The following CMSS1 variants were observed in gnomAD, a reference collection of about 807,000 sequenced individuals.
CMSS1 encodes the protein protein CMSS1.
In CMSS1, 33 loss-of-function variants were observed where a neutral mutation model predicts 43.5. The ratio of observed to expected loss-of-function variants is 0.76; its 90% confidence interval spans 0.57 to 1.01. The LOEUF is 1.01. Among genes scored for constraint, CMSS1 ranks in the 50% least tolerant of loss-of-function variants. CMSS1 has a pLI of 0.00. For synonymous variants in CMSS1, 115 were observed against 117.2 expected, an observed-to-expected ratio of 0.98 and a Z score of 0.12; for missense variants, 313 against 326.4, an observed-to-expected ratio of 0.96 and a Z score of 0.32.
rs556500658 is a variant in CMSS1 at position 100,029,963 on chromosome 3, T to A, written c.65-117010T>A. Among the ~76,000 whole-genome samples, 6 of 152,266 alleles carry A rather than the reference T, an allele frequency of 3.9e-5. No individual in the cohort carries two copies. The South Asian group carries it at 1.2e-3, about 32-fold the overall frequency. Reference sequence around the variant, plus strand: ...CCAGGTGTGACATGAGTGAGGACTCTAAGAAGAAAAACTTCACAGCTGTTT... The same window carrying A: ...CCAGGTGTGACATGAGTGAGGACTCAAAGAAGAAAAACTTCACAGCTGTTT... On this transcript the variant is annotated intron_variant, in intron 1 of 9. Coordinates refer to ENST00000421999, the MANE Select transcript of CMSS1 (RefSeq NM_032359.4).
At chr3:99,915,802 A>G (rs917105442) in intron 1 of CMSS1, among the ~76,000 whole-genome samples, 1 of 152,176 alleles carries the variant, frequency 6.6e-6, no homozygotes, top group South Asian at 2.1e-4. Context: ...TTAGCCTGCA[A>G]CTTTGCATTG....
intron 1 of CMSS1, among the ~76,000 whole-genome samples, chr3:99,856,905 C>T (rs1226163556): frequency 6.6e-6 from 1 of 152,032 alleles, no homozygotes; most frequent in African/African-American, 2.4e-5. Flanking sequence ...GCTATAATAC[C>T]AGTCATACCC....
chr3:99,833,087 G>A, intron 1 of CMSS1: 1 of 694,324 alleles, frequency 1.4e-6, no homozygotes, highest in Non-Finnish European at 2.5e-6. Flanking sequence ...AGGCTCCTGG[G>A]TTTCATCAAA....
intron 1 of CMSS1, among the ~76,000 whole-genome samples, chr3:100,116,579 T>C (rs986257227): frequency 2.6e-5 from 4 of 152,194 alleles, no homozygotes; most frequent in African/African-American, 9.7e-5. Flanking sequence ...CGTGAGCTCA[T>C]TGCTTCCAGG....
In CMSS1 at chr3:100,112,373, G is replaced by A. The variant is rs993510058; in HGVS notation, c.65-34600G>A. On this transcript the variant is annotated intron_variant, in intron 1 of 9. Coordinates refer to ENST00000421999, the MANE Select transcript of CMSS1 (RefSeq NM_032359.4). The stretch of plus-strand genomic sequence containing the variant: ...GCATCCTTGGACCTGCCTGACTCTC[G>A]GCAAGTTGCAATGGCAGTCTCCTAC... 3.3e-5 allele frequency among the ~76,000 whole-genome samples: 5 copies of A among 152,094 alleles called. No homozygotes were observed. The South Asian group carries it at 6.2e-4, about 19-fold the overall frequency.
At chr3:100,005,373 C>T (rs1709958992) in intron 1 of CMSS1, among the ~76,000 whole-genome samples, 1 of 152,188 alleles carries the variant, frequency 6.6e-6, no homozygotes, top group African/African-American at 2.4e-5. Context: ...GATGGGATCT[C>T]AGAGTGGGGT....
At chr3:99,927,216 T>C (rs554921098) in intron 1 of CMSS1, among the ~76,000 whole-genome samples, 1 of 152,356 alleles carries the variant, frequency 6.6e-6, no homozygotes, top group Admixed American at 6.5e-5. Flanking sequence ...TCAATACATA[T>C]TAACTAACTA....
In CMSS1 at chr3:100,012,779, T is replaced by G. The variant is rs867969004; in HGVS notation, c.65-134194T>G. Among the ~76,000 whole-genome samples, 1,253 of 134,846 alleles carry G rather than the reference T, an allele frequency of 9.3e-3. 19 individuals are homozygous for G. Among genetic ancestry groups the G allele is most frequent in the African/African-American group, 0.03 (1,111 of 36,770 alleles). 88.5% of individuals were successfully genotyped at this position (134,846 alleles called of 152,430 possible). ...GCATATTCTTTTTTTTTTTTTTTTT[T>G]GGGTTGGGGGAGGGACAGGTTTTCT... is the stretch of plus-strand genomic sequence containing the variant. On this transcript the variant is annotated intron_variant, in intron 1 of 9. Transcript: ENST00000421999.
chr3:99,945,355 C>G (rs1002217920), intron 1 of CMSS1, among the ~76,000 whole-genome samples: 22 of 152,122 alleles, frequency 1.4e-4, no homozygotes, highest in African/African-American at 5.3e-4. Flanking sequence ...ATCTGGACCT[C>G]AGACTCTCTG....
At chr3:100,130,751 T>G (rs978867737) in intron 1 of CMSS1, among the ~76,000 whole-genome samples, 1 of 152,190 alleles carries the variant, frequency 6.6e-6, no homozygotes, top group Non-Finnish European at 1.5e-5. Flanking sequence ...TGATAGAGAT[T>G]ATATGGCCCA....
At chr3:100,175,261 A>G (rs181544800) in intron 8 of CMSS1, among the ~76,000 whole-genome samples, 21 of 152,280 alleles carry the variant, frequency 1.4e-4, no homozygotes, top group East Asian at 5.8e-4. Flanking sequence ...AAGGAAATTT[A>G]TTTTATCAAA....
chr3:99,943,809 A>G (rs1576590701), intron 1 of CMSS1, among the ~76,000 whole-genome samples: 1 of 152,248 alleles, frequency 6.6e-6, no homozygotes, highest in East Asian at 1.9e-4. Context: ...AGCAGGGGAA[A>G]GAGCATAGGC....
chr3:99,858,138 T>G (rs926589383), intron 1 of CMSS1, among the ~76,000 whole-genome samples: 25 of 152,140 alleles, frequency 1.6e-4, no homozygotes, highest in African/African-American at 6.0e-4. Flanking sequence ...ATCTATCTCT[T>G]TACTGTATTA....
chr3:99,836,437 A>G (rs1182828651), intron 1 of CMSS1, among the ~76,000 whole-genome samples: 3 of 152,154 alleles, frequency 2.0e-5, no homozygotes, highest in Non-Finnish European at 4.4e-5. Context: ...TCCATGTGGA[A>G]CTGTTTGGTA....
intron 1 of CMSS1, among the ~76,000 whole-genome samples, chr3:100,096,487 T>C (rs993535104): frequency 6.6e-6 from 1 of 152,236 alleles, no homozygotes; most frequent in Non-Finnish European, 1.5e-5. Flanking sequence ...GAGGTCATTA[T>C]GTTAAGTGAA....
chr3:100,165,960 A>T (rs2067062385), intron 4 of CMSS1, among the ~76,000 whole-genome samples: 1 of 152,222 alleles, frequency 6.6e-6, no homozygotes, highest in Non-Finnish European at 1.5e-5. Context: ...TGCTCATTAT[A>T]TTAACTTGCA....
chr3:99,924,029 G>A (rs1707208215), intron 1 of CMSS1, among the ~76,000 whole-genome samples: 2 of 152,166 alleles, frequency 1.3e-5, no homozygotes, highest in South Asian at 4.1e-4. Flanking sequence ...AACATTTATG[G>A]TTCCACAGTC....
At chr3:100,097,135 A>G (rs963945080) in intron 1 of CMSS1, among the ~76,000 whole-genome samples, 3 of 152,134 alleles carry the variant, frequency 2.0e-5, no homozygotes, top group Non-Finnish European at 4.4e-5. Context: ...CACAAACCCT[A>G]TTGTGAACTA....
chr3:100,010,766 C>T (rs900448872), intron 1 of CMSS1, among the ~76,000 whole-genome samples: 4 of 147,722 alleles, frequency 2.7e-5, no homozygotes, highest in South Asian at 2.2e-4. Flanking sequence ...AGGTGCGCGC[C>T]TCCACGCCCG....
Sources: allele counts gnomAD v4.1 joint callset (sites outside exome capture counted in the v4.1 genomes callset), GRCh38; gene constraint gnomAD v4.1.1; transcripts MANE v1.5; gene names NCBI Gene and HGNC (gene_info 2026-07-23, HGNC 2026-07-21).